The following RELL1 variants were observed in gnomAD, a reference collection of about 807,000 sequenced individuals.
The protein encoded by RELL1 is RELT-like protein 1.
Under a neutral mutation model 23.0 loss-of-function variants are expected in RELL1, and 10 were observed. The observed-to-expected ratio is 0.43, with a 90% CI of 0.27 to 0.74. RELL1 has a LOEUF of 0.74. RELL1 is among the 30% of genes least tolerant of loss of function. The pLI is 0.19. For synonymous variants in RELL1, 146 were observed against 146.8 expected (o/e 0.99, Z 0.04); for missense variants, 315 against 364.4 (o/e 0.86, Z 1.10).
intron 1 of RELL1, among the ~76,000 whole-genome samples, chr4:37,674,270 G>A (rs1253236375): frequency 6.6e-6 from 1 of 152,138 alleles, no homozygotes; most frequent in East Asian, 1.9e-4. Context: ...AGCACCTGAC[G>A]ATATCTCAAA....
At chr4:37,666,027 C>A (rs1329100264) in intron 1 of RELL1, among the ~76,000 whole-genome samples, 1 of 152,162 alleles carries the variant, frequency 6.6e-6, no homozygotes, top group South Asian at 2.1e-4. Context: ...GTGACTGATG[C>A]CCCTGTGGAG....
chr4:37,633,086 GA>G (rs1720195789), intron 5 of RELL1, among the ~76,000 whole-genome samples: 2 of 152,238 alleles, frequency 1.3e-5, no homozygotes, highest in Admixed American at 1.3e-4. Flanking sequence ...CAATATCCAA[GA>G]AAGAGAGTTG....
chr4:37,598,327 A>G (rs1203475598), intron 6 of RELL1, among the ~76,000 whole-genome samples: 3 of 150,452 alleles, frequency 2.0e-5, no homozygotes, highest in South Asian at 2.1e-4. Flanking sequence ...CTGCAAAGAC[A>G]TTACTTCAAA....
intron 1 of RELL1, among the ~76,000 whole-genome samples, chr4:37,658,451 C>T (rs1363019586): frequency 6.6e-6 from 1 of 152,222 alleles, no homozygotes; most frequent in South Asian, 2.1e-4. Context: ...CAACACTAAG[C>T]TAAGCATTGA....
chr4:37,674,222 C>CA (rs1438793814), intron 1 of RELL1, among the ~76,000 whole-genome samples: 1 of 152,160 alleles, frequency 6.6e-6, no homozygotes, highest in African/African-American at 2.4e-5. Context: ...TTGTGGAGAA[C>CA]AAAAAAGAAG....
chr4:37,614,505 C>A (rs1719509216), intron 6 of RELL1, among the ~76,000 whole-genome samples: 1 of 152,050 alleles, frequency 6.6e-6, no homozygotes, highest in Admixed American at 6.5e-5. Context: ...ATACGTAATA[C>A]CCTGCACTGA....
chr4:37,617,766 G>C (rs967442219), intron 6 of RELL1, among the ~76,000 whole-genome samples: 1 of 152,242 alleles, frequency 6.6e-6, no homozygotes. Context: ...CTGTGTGACA[G>C]AGTGAGACTC....
intron 1 of RELL1, among the ~76,000 whole-genome samples, chr4:37,672,976 A>G (rs1721883125): frequency 6.6e-6 from 1 of 152,156 alleles, no homozygotes; most frequent in Non-Finnish European, 1.5e-5. Context: ...CTTCCAAAAT[A>G]TAAATGTTTA....
intron 2 of RELL1, among the ~76,000 whole-genome samples, chr4:37,647,641 C>A (rs1037780518): frequency 6.6e-6 from 1 of 152,174 alleles, no homozygotes; most frequent in Non-Finnish European, 1.5e-5. Context: ...CAAAGCTGTC[C>A]ATCTATCTCT....
Position 37,649,423 on chromosome 4 carries a change from G to C in RELL1, c.166C>G (p.Pro56Ala). The change falls in exon 2 of 7, where the codon CCA (proline) becomes GCA (alanine). Residue 56 changes from proline (P) to alanine (A), a missense_variant. Transcript: ENST00000454158. The part of the protein sequence containing the change: ...SPSNDTGNGH[P>A]EYIAYALVPV... ...ACAAGCGCGTATGCAATATATTCTG[G>C]GTGTCCATTCCCAGTATCGTTGCTG... is the stretch of plus-strand genomic sequence containing the variant. 1 of 1,614,182 alleles carries C rather than the reference G, an allele frequency of 6.2e-7. No individual in the cohort carries two copies. Among genetic ancestry groups the C allele is most frequent in the Non-Finnish European group, 8.5e-7 (1 of 1,180,030 alleles).
At chr4:37,650,689 G>A (rs1159772831) in intron 1 of RELL1, among the ~76,000 whole-genome samples, 3 of 151,966 alleles carry the variant, frequency 2.0e-5, no homozygotes, top group Non-Finnish European at 2.9e-5. Context: ...ATATATATGA[G>A]AGACAGTTTG....
At chr4:37,601,682 C>G (rs769968682) in intron 6 of RELL1, among the ~76,000 whole-genome samples, 1 of 152,220 alleles carries the variant, frequency 6.6e-6, no homozygotes, top group South Asian at 2.1e-4. Context: ...GTGAAGGCAG[C>G]TCTAGGAAGT....
At chr4:37,639,001 TA>T (rs778130754) in intron 3 of RELL1, among the ~76,000 whole-genome samples, 2 of 152,242 alleles carry the variant, frequency 1.3e-5, no homozygotes, top group South Asian at 2.1e-4. Context: ...GCATCAATTC[TA>T]TCCCATATCG....
chr4:37,590,047 G>A (rs1177473276), downstream of RELL1: 1 of 1,437,404 alleles, frequency 7.0e-7, no homozygotes, highest in East Asian at 2.3e-5. Context: ...AAGCATTAAT[G>A]ATGGAGCAGA....
At position 37,686,376 on chromosome 4, in the gene RELL1, T is replaced by A; in HGVS notation, c.-89A>T. On this transcript the variant is annotated 5_prime_UTR_variant, in exon 1 of 7. Transcript: ENST00000454158. The stretch of plus-strand genomic sequence containing the variant: ...CTCCGGAGCCGGCGGGCTGATCGAG[T>A]GGCTGGGCTGGGCCCCAGGGAGCGG... 9.6e-7 allele frequency: 1 copy of A among 1,045,044 alleles called. No homozygotes were observed. Among genetic ancestry groups the A allele is most frequent in the Non-Finnish European group, 1.3e-6 (1 of 767,314 alleles). 64.7% of individuals were successfully genotyped at this position (1,045,044 alleles called of 1,614,324 possible).
chr4:37,669,086 C>G, intron 1 of RELL1, among the ~76,000 whole-genome samples: 1 of 133,046 alleles, frequency 7.5e-6, no homozygotes, highest in African/African-American at 3.2e-5. Flanking sequence ...GGCCAGCCGC[C>G]CCGTCTGGGA....
chr4:37,683,612 G>T (rs192700984), intron 1 of RELL1, among the ~76,000 whole-genome samples: 10 of 152,036 alleles, frequency 6.6e-5, no homozygotes, highest in Middle Eastern at 3.4e-3. Flanking sequence ...ACAAAAATTT[G>T]CCAGGCATGG....
intron 1 of RELL1, among the ~76,000 whole-genome samples, chr4:37,650,172 T>A (rs1720862479): frequency 6.6e-6 from 1 of 152,204 alleles, no homozygotes; most frequent in African/African-American, 2.4e-5. Context: ...TGCAGGTTCA[T>A]CACACTGAGC....
chr4:37,631,001 G>A (rs1391847993), intron 6 of RELL1, among the ~76,000 whole-genome samples: 1 of 152,090 alleles, frequency 6.6e-6, no homozygotes, highest in East Asian at 1.9e-4. Context: ...TTAGAAGTCT[G>A]GATTTTGTCT....
Sources: gnomAD v4.1 joint callset for allele counts (sites outside exome capture counted in the v4.1 genomes callset) on GRCh38, gnomAD v4.1.1 for gene constraint, MANE v1.5 for transcripts, NCBI Gene and HGNC (gene_info 2026-07-23, HGNC 2026-07-21) for gene names.